MAP4K4: variants seen among roughly 807,000 people sequenced by gnomAD.
MAP4K4 encodes the protein mitogen-activated protein kinase kinase kinase kinase 4.
A neutral mutation model predicts 189.6 loss-of-function variants in MAP4K4; 38 were observed. The observed-to-expected ratio is 0.20, with a 90% confidence interval of 0.15 to 0.26. The LOEUF (loss-of-function observed/expected upper bound fraction) is 0.26, where lower values mean the gene tolerates loss of function less well. Ranked by LOEUF, MAP4K4 falls within the 10% of genes least tolerant of loss-of-function variation. The pLI is 1.00. For missense variants in MAP4K4, 1,054 were observed against 1,726.9 expected, an observed-to-expected ratio of 0.61 and a Z score of 6.91; for synonymous variants, 610 against 624.3, an observed-to-expected ratio of 0.98 and a Z score of 0.34.
chr2:101,809,200 A>G (rs2095252759), intron 3 of MAP4K4, among the ~76,000 whole-genome samples: 1 of 152,140 alleles, frequency 6.6e-6, no homozygotes, highest in Admixed American at 6.5e-5. Flanking sequence ...GCTTGTATAT[A>G]GCGCGTATAT....
chr2:101,874,637 C>T (rs1012945078), intron 26 of MAP4K4, among the ~76,000 whole-genome samples: 2 of 152,172 alleles, frequency 1.3e-5, no homozygotes, highest in African/African-American at 4.8e-5. Context: ...AAAATTCAAT[C>T]ATATCTAGCA....
At chr2:101,873,876 A>G in intron 25 of MAP4K4, 112 bp downstream of exon 25, 3 of 838,734 alleles carry the variant, frequency 3.6e-6, no homozygotes, top group Non-Finnish European at 3.7e-6. Flanking sequence ...CCTCGGGTAC[A>G]GAAACTTCCC....
chr2:101,873,791 G>C lies in MAP4K4; in HGVS notation c.3070+27G>C, dbSNP rs1433198411. ...TAAGTACAGTAGCAACAAGAAAGCA[G>C]CTGACAAATGGGACTTTATCTTTGA... On this transcript the variant is annotated intron_variant, in intron 25 of 32. Transcript: ENST00000324219. The C allele has an allele frequency of 2.0e-6, 3 of 1,478,868 alleles. No individual in the cohort carries two copies. In the African/African-American group the frequency reaches 4.2e-5, roughly 21 times the overall value. 91.6% of individuals were successfully genotyped at this position (1,478,868 alleles called of 1,614,324 possible).
At chr2:101,809,453 C>CTAAGA (rs1488500555) in intron 3 of MAP4K4, among the ~76,000 whole-genome samples, 1 of 151,928 alleles carries the variant, frequency 6.6e-6, no homozygotes, top group African/African-American at 2.4e-5. Context: ...CTGATAGATG[C>CTAAGA]TTCTTAACTG....
chr2:101,733,298 A>C (rs1215536439), intron 2 of MAP4K4, among the ~76,000 whole-genome samples: 5 of 152,216 alleles, frequency 3.3e-5, no homozygotes, highest in Admixed American at 6.5e-5. Context: ...TGAGTGTGTG[A>C]TGAAAGGGAA....
intron 23 of MAP4K4, chr2:101,870,650 C>G: frequency 2.0e-6 from 1 of 501,188 alleles, no homozygotes; most frequent in Non-Finnish European, 3.6e-6. Flanking sequence ...TGCGGCAGCC[C>G]TCATTCAAGC....
At chr2:101,698,730 C>T (rs193214859) in intron 2 of MAP4K4, among the ~76,000 whole-genome samples, 192 bp downstream of exon 2, 1 of 152,274 alleles carries the variant, frequency 6.6e-6, no homozygotes, top group Admixed American at 6.5e-5. Flanking sequence ...CTTAAAAGAC[C>T]TCATTTCCTG....
At chr2:101,868,716 G>A (rs996682305) in intron 21 of MAP4K4, among the ~76,000 whole-genome samples, 5 of 152,232 alleles carry the variant, frequency 3.3e-5, no homozygotes, top group Non-Finnish European at 7.3e-5. Flanking sequence ...ACTCAGGGTC[G>A]CAGTGTCTCT....
intron 3 of MAP4K4, among the ~76,000 whole-genome samples, chr2:101,807,632 TG>T (rs1251012877): frequency 6.6e-6 from 1 of 152,212 alleles, no homozygotes; most frequent in East Asian, 1.9e-4. Context: ...AATTGACTCA[TG>T]GTTCTACAGG....
chr2:101,804,214 T>C (rs1229258592), intron 3 of MAP4K4, among the ~76,000 whole-genome samples: 1 of 152,206 alleles, frequency 6.6e-6, no homozygotes, highest in African/African-American at 2.4e-5. Context: ...ATATTTTGGC[T>C]GTAATCCTGC....
intron 26 of MAP4K4, among the ~76,000 whole-genome samples, chr2:101,876,080 T>G (rs767666521): frequency 4.6e-5 from 7 of 152,226 alleles, no homozygotes; most frequent in Non-Finnish European, 8.8e-5. Flanking sequence ...AGGGGTTTTC[T>G]CTGGCTCTAG....
At chr2:101,730,653 A>G (rs1312809998) in intron 2 of MAP4K4, among the ~76,000 whole-genome samples, 2 of 152,192 alleles carry the variant, frequency 1.3e-5, no homozygotes, top group African/African-American at 4.8e-5. Flanking sequence ...GCACATTCAC[A>G]TGGCTTCAGT....
intron 12 of MAP4K4, among the ~76,000 whole-genome samples, chr2:101,854,217 CTT>C (rs1354738986): frequency 2.0e-5 from 3 of 152,080 alleles, no homozygotes; most frequent in African/African-American, 7.2e-5. Context: ...GTGCAAGAGA[CTT>C]TATAGATTAT....
At chr2:101,803,087 G>GT (rs2094524200) in intron 3 of MAP4K4, among the ~76,000 whole-genome samples, 1 of 152,174 alleles carries the variant, frequency 6.6e-6, no homozygotes, top group African/African-American at 2.4e-5. Flanking sequence ...AGCATGGCCA[G>GT]TTTTTTTAGT....
At chr2:101,714,169 G>C (rs2047181666) in intron 2 of MAP4K4, among the ~76,000 whole-genome samples, 1 of 152,162 alleles carries the variant, frequency 6.6e-6, no homozygotes, top group African/African-American at 2.4e-5. Context: ...TTCAGGTTTA[G>C]TTTAATAGTT....
At chr2:101,867,689 T>C (rs549208229) in intron 20 of MAP4K4, 59 of 386,800 alleles carry the variant, frequency 1.5e-4, no homozygotes, top group African/African-American at 1.2e-3. Context: ...CATTAACCTT[T>C]ACTTATTCTT....
chr2:101,821,952 A>G (rs779843950), intron 3 of MAP4K4, among the ~76,000 whole-genome samples: 7 of 152,206 alleles, frequency 4.6e-5, no homozygotes, highest in African/African-American at 1.7e-4. Context: ...TCTTAGGCCT[A>G]CACATGGTCA....
intron 2 of MAP4K4, among the ~76,000 whole-genome samples, chr2:101,703,059 T>C (rs1433283237): frequency 6.6e-6 from 1 of 152,098 alleles, no homozygotes; most frequent in African/African-American, 2.4e-5. Context: ...TCTTTAAGCA[T>C]TGAGGAGTCA....
chr2:101,729,637 C>G lies in MAP4K4; in HGVS notation c.123+31099C>G, dbSNP rs572334859. Among the ~76,000 whole-genome samples the G allele has an allele frequency of 7.7e-4, 117 of 152,278 alleles. 1 individual carries two copies. Among genetic ancestry groups the G allele is most frequent in the African/African-American group, 2.7e-3 (112 of 41,554 alleles). ...ATCCAGCTACATTGCCGACTGTTAC[C>G]TGCAGTGTGATCCTCTTTTTGTTTT... On this transcript the variant is annotated intron_variant, in intron 2 of 32. Transcript: ENST00000324219.
Sources: allele counts gnomAD v4.1 joint callset (sites outside exome capture counted in the v4.1 genomes callset), GRCh38; gene constraint gnomAD v4.1.1; transcripts MANE v1.5; gene names NCBI Gene and HGNC (gene_info 2026-07-23, HGNC 2026-07-21).